ABI3BP: variants seen among roughly 807,000 people sequenced by gnomAD.
ABI3BP encodes the protein ABI family member 3 binding protein.
A neutral mutation model predicts 268.6 loss-of-function variants in ABI3BP; 216 were observed. The ratio of observed to expected loss-of-function variants is 0.80; its 90% confidence interval spans 0.72 to 0.90. ABI3BP has a LOEUF of 0.90. Among genes scored for constraint, ABI3BP ranks in the 40% least tolerant of loss-of-function variants. The pLI, the probability that ABI3BP is intolerant of heterozygous loss-of-function variation, is 0.00. For missense variants in ABI3BP, 2,090 were observed against 2,182.4 expected (o/e 0.96, Z 0.84); for synonymous variants, 730 against 730.0 (o/e 1.00, Z 0.00).
In ABI3BP at chr3:100,929,880, T is replaced by A. The variant is rs372183882; in HGVS notation, c.80-3399A>T. Among the ~76,000 whole-genome samples the A allele has an allele frequency of 1.3e-4, 20 of 152,004 alleles. No homozygotes were observed. The East Asian group carries it at 3.9e-3, about 29-fold the overall frequency. On this transcript the variant is annotated intron_variant, in intron 1 of 67. Transcript: ENST00000471714. The stretch of plus-strand genomic sequence containing the variant: ...GTGTCAGCAAAAAGGTTAAGCAAGT[T>A]TTTTTTTCCTTCAATATAAATAAGT...
At chr3:100,963,609 G>A (rs761578556) in intron 1 of ABI3BP, among the ~76,000 whole-genome samples, 7 of 152,138 alleles carry the variant, frequency 4.6e-5, no homozygotes, top group Admixed American at 2.0e-4. Flanking sequence ...CCCAGATGGC[G>A]ACTAATAATT....
intron 1 of ABI3BP, among the ~76,000 whole-genome samples, chr3:100,992,914 C>G (rs2093178528): frequency 6.6e-6 from 1 of 152,170 alleles, no homozygotes; most frequent in Non-Finnish European, 1.5e-5. Flanking sequence ...GAACCAGCTT[C>G]TTTTGAATCT....
Position 100,753,081 on chromosome 3 carries a change from TAGAG to T in ABI3BP, c.4961-137_4961-134del. 6 of 722,090 alleles carry T rather than the reference TAGAG, an allele frequency of 8.3e-6. No individual in the cohort carries two copies. In the South Asian group the frequency reaches 1.2e-4, roughly 14 times the overall value. The allele number at this position is 722,090 out of a possible 1,614,324, so 44.7% of individuals were successfully genotyped here. ...TGCTAAATACTGGAGCCAAAAATATTAGAGGGATTTAAACAAGTAAACCCCAGAG... is the reference window on the plus strand; with the variant it reads ...TGCTAAATACTGGAGCCAAAAATATTGGATTTAAACAAGTAAACCCCAGAG... On this transcript the variant is annotated intron_variant, in intron 65 of 67. Coordinates refer to ENST00000471714, the MANE Select transcript of ABI3BP (RefSeq NM_001375547.2).
chr3:100,808,250 A>G lies in ABI3BP; in HGVS notation c.3608-15T>C. 6.3e-7 allele frequency: 1 copy of G among 1,594,182 alleles called. No homozygotes were observed. The highest frequency in any genetic ancestry group is 8.5e-7 in the Non-Finnish European group (1 of 1,170,246). ...CTGCTTGGGAGCTAAAAGAAAGGATATAGGTTCGGAAATCTTGAGCCCTTC... is the reference window on the plus strand; with the variant it reads ...CTGCTTGGGAGCTAAAAGAAAGGATGTAGGTTCGGAAATCTTGAGCCCTTC... On this transcript the variant is annotated splice_polypyrimidine_tract_variant and intron_variant, in intron 49 of 67. Coordinates refer to ENST00000471714, the MANE Select transcript of ABI3BP (RefSeq NM_001375547.2).
At chr3:100,797,859 T>G (rs2097396959) in intron 51 of ABI3BP, among the ~76,000 whole-genome samples, 1 of 152,002 alleles carries the variant, frequency 6.6e-6, no homozygotes, top group African/African-American at 2.4e-5. Flanking sequence ...AAAAGATTAG[T>G]GGTTGATAAG....
At chr3:100,828,490 A>C in intron 33 of ABI3BP, 38 bp from the exon 34 acceptor site, 1 of 1,484,602 alleles carries the variant, frequency 6.7e-7, no homozygotes, top group Non-Finnish European at 9.1e-7. Context: ...CCAACAAAAC[A>C]TTAAAAATTT....
intron 1 of ABI3BP, among the ~76,000 whole-genome samples, chr3:100,960,540 A>G (rs753080693): frequency 2.6e-5 from 4 of 152,206 alleles, no homozygotes; most frequent in Non-Finnish European, 5.9e-5. Flanking sequence ...AGAATAAAGT[A>G]TGTTAAACAG....
chr3:100,956,148 C>T (rs1343450974), intron 1 of ABI3BP, among the ~76,000 whole-genome samples: 1 of 150,904 alleles, frequency 6.6e-6, no homozygotes, highest in Admixed American at 6.6e-5. Flanking sequence ...GAGATCACAC[C>T]ACTGCACTCT....
At position 100,834,759 on chromosome 3, in the gene ABI3BP, G is replaced by A; in HGVS notation, c.2206C>T (p.Gln736Ter). 1 of 1,535,644 alleles carries A rather than the reference G, an allele frequency of 6.5e-7. No homozygotes were observed. The highest frequency in any genetic ancestry group is 8.7e-7 in the Non-Finnish European group (1 of 1,146,512). ...TVTTLAPKTS[Q>*]RTRTRRPRPK... Reference sequence around the variant, plus strand: ...CGTGGACGACGTGTTCTTGTTCGTTGCGATGTTTTTGGAGCTAAAGAAAGG... The same window carrying A: ...CGTGGACGACGTGTTCTTGTTCGTTACGATGTTTTTGGAGCTAAAGAAAGG... The change falls in exon 29 of 68, where the codon CAA (glutamine) becomes TAA (stop). Residue 736 changes from glutamine (Q) to a stop codon, truncating the protein, a stop_gained. Transcript: ENST00000471714. LOFTEE classifies it high-confidence loss of function.
At chr3:100,949,366 G>A (rs146953665) in intron 1 of ABI3BP, among the ~76,000 whole-genome samples, 507 of 152,178 alleles carry the variant, frequency 3.3e-3, no homozygotes, top group African/African-American at 0.011. Flanking sequence ...AGCAATTCTC[G>A]TGCCTCAGTC....
Position 100,840,135 on chromosome 3 carries a change from G to A in ABI3BP, c.1834C>T (p.Arg612Cys), listed in dbSNP as rs1453886141. 14 of 1,531,380 alleles carry A rather than the reference G, an allele frequency of 9.1e-6. No individual in the cohort carries two copies. The highest frequency in any genetic ancestry group is 4.9e-5 in the East Asian group (2 of 40,532). The allele number at this position is 1,531,380 out of a possible 1,614,324, so 94.9% of individuals were successfully genotyped here. ...APRKTKRPGRRPRPRPRPKTT... is the reference protein window; with the variant it reads ...APRKTKRPGRCPRPRPRPKTT... ...TTAGGGCGGGGACGGGGGCGGGGGCGACGACCTGGTCTTTTGGTCTTTCGT... is the reference window on the plus strand; with the variant it reads ...TTAGGGCGGGGACGGGGGCGGGGGCAACGACCTGGTCTTTTGGTCTTTCGT... The change falls in exon 23 of 68, where the codon CGC becomes TGC. Residue 612 changes from arginine (R) to cysteine (C), a missense_variant. Transcript: ENST00000471714.
rs1231419800 is a variant in ABI3BP at position 100,830,639 on chromosome 3, T to G, written c.2402-5A>C. Reference sequence around the variant, plus strand: ...GTTCGAGGATTGTGGCAGGAACTGATCAAAAGTAATAAAAGAAACCAAAGA... The same window carrying G: ...GTTCGAGGATTGTGGCAGGAACTGAGCAAAAGTAATAAAAGAAACCAAAGA... On this transcript the variant is annotated splice_polypyrimidine_tract_variant and splice_region_variant and intron_variant, in intron 31 of 67. Transcript: ENST00000471714. 4 of 1,525,588 alleles carry G rather than the reference T, an allele frequency of 2.6e-6. No individual in the cohort carries two copies. Among genetic ancestry groups the G allele is most frequent in the Middle Eastern group, 1.7e-4 (1 of 5,940 alleles). 94.5% of individuals were successfully genotyped at this position (1,525,588 alleles called of 1,614,324 possible).
intron 2 of ABI3BP, among the ~76,000 whole-genome samples, chr3:100,904,067 A>G (rs2153513236): frequency 6.6e-6 from 1 of 152,348 alleles, no homozygotes; most frequent in South Asian, 2.1e-4. Flanking sequence ...TTTGAGATAT[A>G]GAGCAATAAA....
At chr3:100,817,072 T>C (rs1037292887) in intron 42 of ABI3BP, among the ~76,000 whole-genome samples, 9 of 152,162 alleles carry the variant, frequency 5.9e-5, no homozygotes, top group African/African-American at 1.7e-4. Context: ...GAATCCATGA[T>C]ACCATAAGAA....
Position 100,864,063 on chromosome 3 carries a change from C to A in ABI3BP, c.1077G>T (p.Arg359Ser). Reference sequence around the variant, plus strand: ...GAATAGTTTGCAATGTTTCCGGGGTCCTTTTGCTGAGAACTACAATAAAAA... The same window carrying A: ...GAATAGTTTGCAATGTTTCCGGGGTACTTTTGCTGAGAACTACAATAAAAA... ...VSETTLVLSKRTPETLQTILI... is the reference protein window; with the variant it reads ...VSETTLVLSKSTPETLQTILI... Residue 359 changes from arginine (R) to serine (S), a missense_variant, in exon 12 of 68, where the codon AGG becomes AGT. By Grantham distance (110) the Arg-to-Ser change is moderately radical. Coordinates refer to ENST00000471714, the MANE Select transcript of ABI3BP (RefSeq NM_001375547.2). 6.5e-7 allele frequency: 1 copy of A among 1,535,938 alleles called. No individual in the cohort carries two copies. The highest frequency in any genetic ancestry group is 1.2e-5 in the South Asian group (1 of 84,046).
intron 61 of ABI3BP, among the ~76,000 whole-genome samples, chr3:100,772,757 A>T (rs575585990): frequency 6.6e-6 from 1 of 152,318 alleles, no homozygotes; most frequent in South Asian, 2.1e-4. Context: ...ATCAATAGCC[A>T]TATTAAATGT....
intron 57 of ABI3BP, among the ~76,000 whole-genome samples, chr3:100,784,005 A>C (rs898614732): frequency 3.9e-5 from 6 of 152,192 alleles, no homozygotes; most frequent in African/African-American, 1.4e-4. Flanking sequence ...AAAATGACCC[A>C]CTTTAGACCT....
chr3:100,785,142 A>C (rs1577588985), intron 57 of ABI3BP, among the ~76,000 whole-genome samples: 1 of 152,214 alleles, frequency 6.6e-6, no homozygotes, highest in African/African-American at 2.4e-5. Context: ...AAAATGTGAA[A>C]TATCTGAGTT....
At chr3:100,770,242 C>T (rs565821220) in intron 62 of ABI3BP, among the ~76,000 whole-genome samples, 1 of 152,184 alleles carries the variant, frequency 6.6e-6, no homozygotes, top group Admixed American at 6.5e-5. Context: ...TTTTTACAAT[C>T]ATTTTTAGAG....
Sources: allele counts gnomAD v4.1 joint callset (sites outside exome capture counted in the v4.1 genomes callset), GRCh38; gene constraint gnomAD v4.1.1; transcripts MANE v1.5; gene names NCBI Gene and HGNC (gene_info 2026-07-23, HGNC 2026-07-21).